Variants in MED22 observed in about 807,000 individuals in gnomAD.
MED22 encodes mediator of RNA polymerase II transcription subunit 22.
In MED22, 22 loss-of-function variants were observed where a neutral mutation model predicts 22.7. The observed-to-expected ratio is 0.97, with a 90% CI of 0.69 to 1.38. MED22 has a LOEUF of 1.38. Among genes scored for constraint, MED22 ranks in the 40% most tolerant of loss-of-function variants. The pLI, the probability that MED22 is intolerant of heterozygous loss-of-function variation, is 0.00. For missense variants in MED22, 247 were observed against 263.0 expected, an observed-to-expected ratio of 0.94 and a Z score of 0.42; for synonymous variants, 134 against 119.4, an observed-to-expected ratio of 1.12 and a Z score of -0.80.
At chr9:133,344,678 T>G (rs1030557300) in intron 3 of MED22, among the ~76,000 whole-genome samples, 1 of 152,188 alleles carries the variant, frequency 6.6e-6, no homozygotes, top group Non-Finnish European at 1.5e-5. Context: ...CGGGGTAGGA[T>G]TAACATGGCT....
chr9:133,344,387 C>T, intron 3 of MED22, 54 bp from the exon 4 acceptor site: 2 of 1,588,054 alleles, frequency 1.3e-6, no homozygotes, highest in South Asian at 1.1e-5. Context: ...AGCGGCCTTG[C>T]CTACAAGTAG....
rs2129948374 is a variant in MED22 at position 133,341,479 on chromosome 9, T to G, written c.*26A>C. 2,747 of 1,466,922 alleles carry G rather than the reference T, an allele frequency of 1.9e-3. 60 individuals carry two copies. The African/African-American group carries it at 0.036, about 19-fold the overall frequency. 90.9% of individuals were successfully genotyped at this position (1,466,922 alleles called of 1,614,324 possible). A position where few individuals can be genotyped will look rare whatever the true frequency, so the allele number is the denominator to read the frequency against. On this transcript the variant is annotated 3_prime_UTR_variant, in exon 5 of 5. Coordinates refer to ENST00000343730, the MANE Select transcript of MED22 (RefSeq NM_133640.5). ...AAAGGGCTGCCTCAGGTTTTGTTCC[T>G]GAGAACGAAGCGTGGCCCCGGAGGC...
chr9:133,344,382 C>T, intron 3 of MED22, 49 bp from the exon 4 acceptor site: 2 of 1,599,794 alleles, frequency 1.3e-6, no homozygotes, highest in African/African-American at 2.7e-5. Context: ...GGGACAGCGG[C>T]CTTGCCTACA....
In MED22 at chr9:133,339,220, CAAGT is replaced by C. The variant is rs2129942288; in HGVS notation, c.*2281_*2284del. The C allele has an allele frequency of 0.027, 18,911 of 696,858 alleles. 344 individuals carry two copies. The highest frequency in any genetic ancestry group is 0.036 in the Non-Finnish European group (13,636 of 374,712). The allele number at this position is 696,858 out of a possible 1,614,324, so 43.2% of individuals were successfully genotyped here. ...AGCATGCTGTTGGCACTGTTGTAAA[CAAGT>C]AAGGGCAAGATTCTTGCCAAGAGAA... is the stretch of plus-strand genomic sequence containing the variant. On this transcript the variant is annotated 3_prime_UTR_variant, in exon 5 of 5. Coordinates refer to ENST00000343730, the MANE Select transcript of MED22 (RefSeq NM_133640.5).
Position 133,341,701 on chromosome 9 carries a change from C to T in MED22, c.414-7G>A, listed in dbSNP as rs1484818334. On this transcript the variant is annotated splice_polypyrimidine_tract_variant and splice_region_variant and intron_variant, in intron 4 of 4. Transcript: ENST00000343730. Reference sequence around the variant, plus strand: ...AGCTTCGCAAAGGCTTGAGCTTTTCCACCACCAGAAACCCCAGGGAGAGAC... The same window carrying T: ...AGCTTCGCAAAGGCTTGAGCTTTTCTACCACCAGAAACCCCAGGGAGAGAC... 3 of 1,604,984 alleles carry T rather than the reference C, an allele frequency of 1.9e-6. No individual in the cohort carries two copies. The highest frequency in any genetic ancestry group is 2.3e-5 in the East Asian group (1 of 43,914).
At position 133,339,536 on chromosome 9, in the gene MED22, GAAC is replaced by G. The variant is rs1321321159; in HGVS notation, c.*1966_*1968del. 5 of 537,502 alleles carry G rather than the reference GAAC, an allele frequency of 9.3e-6. No individual in the cohort carries two copies. Among genetic ancestry groups the G allele is most frequent in the South Asian group, 1.9e-5 (1 of 53,432 alleles). 33.3% of individuals were successfully genotyped at this position (537,502 alleles called of 1,614,324 possible). ...ATAGGCATTAAAAAAACTATTTGGG[GAAC>G]AACTGAAGAAATCTGAATACAGCTA... On this transcript the variant is annotated 3_prime_UTR_variant, in exon 5 of 5. Transcript: ENST00000343730.
In MED22 at chr9:133,346,675, A is replaced by G. The variant is rs2129969538; in HGVS notation, c.-13T>C. The G allele has an allele frequency of 5.6e-6, 9 of 1,610,006 alleles. No individual in the cohort carries two copies. The Admixed American group carries it at 1.5e-4, about 27-fold the overall frequency. On this transcript the variant is annotated 5_prime_UTR_variant, in exon 2 of 5. Coordinates refer to ENST00000343730, the MANE Select transcript of MED22 (RefSeq NM_133640.5). The stretch of plus-strand genomic sequence containing the variant: ...TCTGCTGGGCCATGGCCGAGCCTCA[A>G]GCAGCGCAGCGGGGAGACCTGGGAC...
Position 133,341,626 on chromosome 9 carries a change from T to A in MED22, c.482A>T (p.Asp161Val). Residue 161 changes from aspartate to valine, a missense_variant, in exon 5 of 5, where the codon GAC becomes GTC. Transcript: ENST00000343730. ...EAYGRLDLDT[D>V]SADGLSAPLL... ...AGGGGCCGAGAGGCCATCAGCAGAG[T>A]CTGTGTCGAGGTCCAGCCTCCCGTA... 1 of 1,602,230 alleles carries A rather than the reference T, an allele frequency of 6.2e-7. No homozygotes were observed. Among genetic ancestry groups the A allele is most frequent in the South Asian group, 1.1e-5 (1 of 89,366 alleles).
Position 133,341,242 on chromosome 9 carries a change from T to G in MED22, c.*263A>C. The stretch of plus-strand genomic sequence containing the variant: ...GCCAGACCTAGCTTGGAAACTTTCT[T>G]CCACCTGGCTGGCCAGGAAGGCAGC... On this transcript the variant is annotated 3_prime_UTR_variant, in exon 5 of 5. Coordinates refer to ENST00000343730, the MANE Select transcript of MED22 (RefSeq NM_133640.5). 1 of 380,986 alleles carries G rather than the reference T, an allele frequency of 2.6e-6. No individual in the cohort carries two copies. The highest frequency in any genetic ancestry group is 4.6e-6 in the Non-Finnish European group (1 of 215,392). 23.6% of individuals were successfully genotyped at this position (380,986 alleles called of 1,614,324 possible). A position where few individuals can be genotyped will look rare whatever the true frequency, so the allele number is the denominator to read the frequency against.
rs2129951593 is a variant in MED22 at position 133,341,918 on chromosome 9, G to A, written c.414-224C>T. 911 of 1,328,484 alleles carry A rather than the reference G, an allele frequency of 6.9e-4. 8 individuals carry two copies. The South Asian group carries it at 9.8e-3, about 14-fold the overall frequency. 82.3% of individuals were successfully genotyped at this position (1,328,484 alleles called of 1,614,324 possible). A position where few individuals can be genotyped will look rare whatever the true frequency, so the allele number is the denominator to read the frequency against. ...CCTAGCATTCTGAAAGGAGGAAGCC[G>A]CCCTGGCCCAACCACCAACAGCTGT... is the stretch of plus-strand genomic sequence containing the variant. On this transcript the variant is annotated intron_variant, in intron 4 of 4. Coordinates refer to ENST00000343730, the MANE Select transcript of MED22 (RefSeq NM_133640.5).
Position 133,346,706 on chromosome 9 carries a change from G to A in MED22, c.-38-6C>T, listed in dbSNP as rs2129969841. Reference sequence around the variant, plus strand: ...GCAGCGGGGAGACCTGGGACCTAGAGTGCAGCACAGACCTCTGAGTGCAGG... The same window carrying A: ...GCAGCGGGGAGACCTGGGACCTAGAATGCAGCACAGACCTCTGAGTGCAGG... On this transcript the variant is annotated splice_region_variant and splice_polypyrimidine_tract_variant and intron_variant, in intron 1 of 4. Transcript: ENST00000343730. The A allele has an allele frequency of 7.5e-6, 12 of 1,602,172 alleles. No individual in the cohort carries two copies. Among genetic ancestry groups the A allele is most frequent in the Middle Eastern group, 1.7e-4 (1 of 5,840 alleles).
At chr9:133,344,038 T>C in intron 4 of MED22, 87 bp downstream of exon 4, 1 of 1,584,528 alleles carries the variant, frequency 6.3e-7, no homozygotes, top group Non-Finnish European at 8.6e-7. Context: ...AGCAAGAATT[T>C]GAAAAAGCAG....
rs2129959376 is a variant in MED22, at chr9:133,344,114, G to A, written c.413+11C>T. On this transcript the variant is annotated intron_variant, in intron 4 of 4. Coordinates refer to ENST00000343730, the MANE Select transcript of MED22 (RefSeq NM_133640.5). ...TCCCGCTCTGCATGGGGAGTCCAGC[G>A]CTATTTATACCTGGACGAGTAATAC... 3.4e-5 allele frequency: 55 copies of A among 1,614,006 alleles called. No homozygotes were observed. The African/African-American group carries it at 5.6e-4, about 16-fold the overall frequency.
chr9:133,342,469 C>T (rs2129953361), intron 4 of MED22: 67 of 985,706 alleles, frequency 6.8e-5, no homozygotes, highest in South Asian at 9.4e-5. Context: ...TCCCGAGGAA[C>T]GCAAAGGAGA....
At chr9:133,343,641 C>T in intron 4 of MED22, 1 of 1,249,080 alleles carries the variant, frequency 8.0e-7, no homozygotes, top group Non-Finnish European at 1.0e-6. Flanking sequence ...ACTGTCCCTG[C>T]CTCCACACTG....
intron 4 of MED22, 72 bp from the exon 5 acceptor site, chr9:133,341,766 A>C: frequency 6.4e-7 from 1 of 1,559,036 alleles, no homozygotes; most frequent in Non-Finnish European, 8.6e-7. Context: ...GGGGAGAGCA[A>C]GACAGAAGCA....
At chr9:133,345,687 G>T (rs1836159258) in intron 2 of MED22, among the ~76,000 whole-genome samples, 1 of 152,170 alleles carries the variant, frequency 6.6e-6, no homozygotes, top group South Asian at 2.1e-4. Flanking sequence ...GTGCCAGGCT[G>T]TGTCATGCAC....
chr9:133,342,076 G>A (rs1836022009), intron 4 of MED22: 1 of 1,092,600 alleles, frequency 9.2e-7, no homozygotes, highest in Non-Finnish European at 1.1e-6. Context: ...CCTGACTGCA[G>A]AAACCCCAGT....
intron 4 of MED22, 77 bp downstream of exon 4, chr9:133,344,048 G>A: frequency 6.3e-7 from 1 of 1,593,248 alleles, no homozygotes; most frequent in East Asian, 2.3e-5. Context: ...TGAAAAAGCA[G>A]AAGGCAGCCC....
Sources: gnomAD v4.1 joint callset for allele counts (sites outside exome capture counted in the v4.1 genomes callset) on GRCh38, gnomAD v4.1.1 for gene constraint, MANE v1.5 for transcripts, NCBI Gene and HGNC (gene_info 2026-07-23, HGNC 2026-07-21) for gene names.